The following DOCK4 variants were observed in gnomAD, a reference collection of about 807,000 sequenced individuals.
DOCK4 encodes dedicator of cytokinesis 4, also known as dedicator of cytokinesis protein 4.
Under a neutral mutation model 268.1 loss-of-function variants are expected in DOCK4, and 97 were observed. That is an observed-to-expected ratio of 0.36 (90% CI 0.31 to 0.43). The LOEUF (loss-of-function observed/expected upper bound fraction) is 0.43. Among genes scored for constraint, DOCK4 ranks in the 20% least tolerant of loss-of-function variants. The pLI, the probability that DOCK4 is intolerant of heterozygous loss-of-function variation, is 1.00. For synonymous variants in DOCK4, 954 were observed against 887.2 expected, an observed-to-expected ratio of 1.08 and a Z score of -1.34; for missense variants, 2,145 against 2,455.7, an observed-to-expected ratio of 0.87 and a Z score of 2.67.
intron 23 of DOCK4, among the ~76,000 whole-genome samples, chr7:111,861,356 AAAT>A (rs1805499689): frequency 6.6e-6 from 1 of 152,248 alleles, no homozygotes; most frequent in Non-Finnish European, 1.5e-5. Context: ...ACAGGAGAAA[AAAT>A]AAATTAACTG....
intron 1 of DOCK4, among the ~76,000 whole-genome samples, chr7:112,201,221 G>A (rs1438714412): frequency 6.6e-6 from 1 of 152,072 alleles, no homozygotes; most frequent in Non-Finnish European, 1.5e-5. Context: ...ATACGAGAAG[G>A]TGCATCTTCT....
At chr7:111,942,359 T>C (rs961734350) in intron 10 of DOCK4, among the ~76,000 whole-genome samples, 2 of 152,172 alleles carry the variant, frequency 1.3e-5, no homozygotes, top group Admixed American at 6.5e-5. Flanking sequence ...TCCTACTAAA[T>C]AGGTACAAGA....
intron 1 of DOCK4, among the ~76,000 whole-genome samples, chr7:112,034,320 G>A (rs879840080): frequency 8.5e-5 from 13 of 152,172 alleles, no homozygotes; most frequent in Non-Finnish European, 1.8e-4. Context: ...GGCAGGTGGA[G>A]GAAAGGAATA....
intron 1 of DOCK4, among the ~76,000 whole-genome samples, chr7:112,072,488 G>T (rs192194546): frequency 4.1e-4 from 63 of 152,250 alleles, no homozygotes; most frequent in African/African-American, 1.4e-3. Flanking sequence ...AAGTAGTACA[G>T]CCACTAGCAA....
intron 1 of DOCK4, among the ~76,000 whole-genome samples, chr7:112,049,792 G>A (rs766368396): frequency 1.8e-4 from 27 of 152,082 alleles, no homozygotes; most frequent in Non-Finnish European, 3.7e-4. Flanking sequence ...TCATCAAGGG[G>A]ACCTACCAAT....
intron 1 of DOCK4, among the ~76,000 whole-genome samples, chr7:112,101,674 G>T (rs1038700634): frequency 6.6e-6 from 1 of 152,040 alleles, no homozygotes; most frequent in Non-Finnish European, 1.5e-5. Context: ...TCTCAAGCTG[G>T]CACATAGACT....
intron 1 of DOCK4, among the ~76,000 whole-genome samples, chr7:112,113,942 A>C (rs977722160): frequency 1.7e-4 from 26 of 151,896 alleles, no homozygotes; most frequent in Admixed American, 1.6e-3. Context: ...TAAATTTAGC[A>C]AATTTTGGCA....
At chr7:112,191,724 T>C (rs1819969697) in intron 1 of DOCK4, among the ~76,000 whole-genome samples, 1 of 151,948 alleles carries the variant, frequency 6.6e-6, no homozygotes, top group Admixed American at 6.6e-5. Context: ...GATGAGTGCC[T>C]GAATCTCAGC....
chr7:112,122,033 C>T (rs1451349998), intron 1 of DOCK4, among the ~76,000 whole-genome samples: 3 of 152,290 alleles, frequency 2.0e-5, no homozygotes, highest in Admixed American at 2.0e-4. Context: ...ATATTTTCCA[C>T]ATTTAAGTTT....
At chr7:112,002,486 C>T (rs761858293) in intron 2 of DOCK4, among the ~76,000 whole-genome samples, 10 of 152,106 alleles carry the variant, frequency 6.6e-5, no homozygotes, top group Non-Finnish European at 1.0e-4. Context: ...ATATATCTGG[C>T]AATAACACAG....
intron 30 of DOCK4, among the ~76,000 whole-genome samples, chr7:111,791,906 T>C (rs1799576062): frequency 6.6e-6 from 1 of 152,204 alleles, no homozygotes; most frequent in Admixed American, 6.5e-5. Flanking sequence ...ATACACAACT[T>C]ACATAAAAAT....
chr7:112,197,876 CTGAAT>C (rs1298849317), intron 1 of DOCK4, among the ~76,000 whole-genome samples: 1 of 150,810 alleles, frequency 6.6e-6, no homozygotes, highest in Non-Finnish European at 1.5e-5. Flanking sequence ...ACCTCATCAC[CTGAAT>C]GTTTTGCAGG....
At chr7:111,734,630 C>A (rs143290584) in intron 51 of DOCK4, among the ~76,000 whole-genome samples, 3 of 152,140 alleles carry the variant, frequency 2.0e-5, no homozygotes, top group African/African-American at 4.8e-5. Flanking sequence ...GCTTATGGAG[C>A]GTAACTGTTA....
intron 12 of DOCK4, among the ~76,000 whole-genome samples, chr7:111,931,965 G>T (rs1446801974): frequency 1.3e-5 from 2 of 152,176 alleles, no homozygotes; most frequent in Non-Finnish European, 2.9e-5. Flanking sequence ...ACTCCTGTCT[G>T]TAAGCAGAGG....
intron 47 of DOCK4, among the ~76,000 whole-genome samples, chr7:111,740,531 G>C (rs997056549): frequency 1.3e-5 from 2 of 149,718 alleles, no homozygotes; most frequent in South Asian, 4.3e-4. Flanking sequence ...TCAGGAGTTC[G>C]AGACCAACCT....
intron 1 of DOCK4, among the ~76,000 whole-genome samples, chr7:112,092,466 C>T (rs907821449): frequency 6.6e-6 from 1 of 152,134 alleles, no homozygotes; most frequent in African/African-American, 2.4e-5. Flanking sequence ...CGTGTGCACA[C>T]TTTTGATCTC....
intron 1 of DOCK4, among the ~76,000 whole-genome samples, chr7:112,171,457 T>C (rs1258541724): frequency 2.0e-5 from 3 of 148,688 alleles, no homozygotes; most frequent in African/African-American, 7.3e-5. Flanking sequence ...TTTTTTTTTC[T>C]ACTTGTCAGG....
intron 16 of DOCK4, among the ~76,000 whole-genome samples, chr7:111,886,307 A>C (rs1228730392): frequency 1.3e-5 from 2 of 152,216 alleles, no homozygotes; most frequent in Non-Finnish European, 2.9e-5. Flanking sequence ...CAAAATGAGT[A>C]GTCATCCTTT....
intron 25 of DOCK4, among the ~76,000 whole-genome samples, chr7:111,838,086 CAAAAAAAAAAAAAAA>C (rs749907970): frequency 3.4e-5 from 1 of 29,836 alleles, no homozygotes; most frequent in Admixed American, 4.3e-4. Flanking sequence ...AACCCTACCT[CAAAAAAAAAAAAAAA>C]AAAAAAAAAA....
Sources: allele counts gnomAD v4.1 joint callset (sites outside exome capture counted in the v4.1 genomes callset), GRCh38; gene constraint gnomAD v4.1.1; transcripts MANE v1.5; gene names NCBI Gene and HGNC (gene_info 2026-07-23, HGNC 2026-07-21).